The following CYB5D2 variants were observed in gnomAD, a reference collection of about 807,000 sequenced individuals.
CYB5D2 encodes neuferricin.
Under a neutral mutation model 22.8 loss-of-function variants are expected in CYB5D2, and 23 were observed. That is an observed-to-expected ratio of 1.01 (90% CI 0.73 to 1.43). CYB5D2 has a LOEUF of 1.43. Ranked by LOEUF, CYB5D2 falls within the 40% of genes most tolerant of loss-of-function variation. CYB5D2 has a pLI of 0.00. For missense variants in CYB5D2, 373 were observed against 357.2 expected (o/e 1.04, Z -0.36); for synonymous variants, 170 against 152.2 (o/e 1.12, Z -0.86).
intron 1 of CYB5D2, among the ~76,000 whole-genome samples, chr17:4,144,856 G>A (rs1316573028): frequency 6.6e-6 from 1 of 151,816 alleles, no homozygotes; most frequent in Admixed American, 6.6e-5. Flanking sequence ...GCCTGATCTC[G>A]GCTCACTGCA....
At chr17:4,151,642 G>A (rs1436554262) in intron 2 of CYB5D2, among the ~76,000 whole-genome samples, 4 of 151,152 alleles carry the variant, frequency 2.6e-5, no homozygotes, top group Non-Finnish European at 5.9e-5. Context: ...AGCCAAGATC[G>A]CACCACTACA....
In CYB5D2 at chr17:4,144,002, G is replaced by A. The variant is rs1278766802; in HGVS notation, c.247G>A (p.Ala83Thr). The change falls in exon 1 of 4, where the codon GCA (alanine) becomes ACA (threonine). Residue 83 changes from alanine (A) to threonine (T), a missense_variant. Ala to Thr is a moderately conservative substitution (Grantham distance 58). Transcript: ENST00000301391. ...YEPGSHYSGF[A>T]GRDASRAFVT... ...GCCTGGGTCCCACTATAGCGGCTTC[G>A]CAGGTATCAGCGAGGCTGCTCACGC... 1.9e-6 allele frequency: 3 copies of A among 1,597,978 alleles called. No homozygotes were observed. Among genetic ancestry groups the A allele is most frequent in the Non-Finnish European group, 2.6e-6 (3 of 1,172,038 alleles).
In CYB5D2 at chr17:4,154,667, A is replaced by G. The variant is rs375388238; in HGVS notation, c.392-7A>G. On this transcript the variant is annotated splice_region_variant and splice_polypyrimidine_tract_variant and intron_variant, in intron 2 of 3. Coordinates refer to ENST00000301391, the MANE Select transcript of CYB5D2 (RefSeq NM_144611.4). Reference sequence around the variant, plus strand: ...TCTCACTCACATCTGCCTTCCTGTCATCACAGGGAGGGTGACAGGACGGTT... The same window carrying G: ...TCTCACTCACATCTGCCTTCCTGTCGTCACAGGGAGGGTGACAGGACGGTT... The G allele has an allele frequency of 2.5e-6, 4 of 1,612,152 alleles. No homozygotes were observed. The highest frequency in any genetic ancestry group is 3.4e-6 in the Non-Finnish European group (4 of 1,179,056).
chr17:4,151,389 T>C lies in CYB5D2; in HGVS notation c.391+1358T>C, dbSNP rs546966548. ...GGTTAATAAAGAAAAGAAAACCCAA[T>C]AGAAAAGAATAAGAGCCAGGAGTGG... On this transcript the variant is annotated intron_variant, in intron 2 of 3. Transcript: ENST00000301391. 3.9e-5 allele frequency among the ~76,000 whole-genome samples: 6 copies of C among 152,138 alleles called. No homozygotes were observed. In the East Asian group the frequency reaches 9.7e-4, roughly 24 times the overall value.
intron 3 of CYB5D2, among the ~76,000 whole-genome samples, chr17:4,155,084 C>G (rs771544734): frequency 5.3e-5 from 8 of 152,180 alleles, no homozygotes; most frequent in Non-Finnish European, 7.4e-5. Flanking sequence ...TGGGTTGAGA[C>G]TTGGACTTGA....
At chr17:4,155,818 A>G (rs1486744436) in intron 3 of CYB5D2, among the ~76,000 whole-genome samples, 2 of 152,168 alleles carry the variant, frequency 1.3e-5, no homozygotes, top group Non-Finnish European at 2.9e-5. Flanking sequence ...GTGTCTCCTG[A>G]ACCTCTTCTT....
At chr17:4,149,659 C>A (rs921543897) in intron 1 of CYB5D2, among the ~76,000 whole-genome samples, 4 of 152,082 alleles carry the variant, frequency 2.6e-5, no homozygotes, top group Non-Finnish European at 5.9e-5. Flanking sequence ...ATTAGCCAGG[C>A]GTGGTGGCGG....
In CYB5D2 at chr17:4,144,521, T is replaced by C. The variant is rs1386711825; in HGVS notation, c.250+516T>C. On this transcript the variant is annotated intron_variant, in intron 1 of 3. Transcript: ENST00000301391. Reference sequence around the variant, plus strand: ...TATTCCTTTATGGCCCGTCATATAGTACATTTGGTCTGAGTCATTCCTGCT... The same window carrying C: ...TATTCCTTTATGGCCCGTCATATAGCACATTTGGTCTGAGTCATTCCTGCT... Among the ~76,000 whole-genome samples, 4 of 152,188 alleles carry C rather than the reference T, an allele frequency of 2.6e-5. No homozygotes were observed. In the East Asian group the frequency reaches 7.7e-4, roughly 29 times the overall value.
chr17:4,157,032 G>T lies in CYB5D2; in HGVS notation c.745G>T (p.Glu249Ter). The change falls in exon 4 of 4, where the codon GAG becomes TAG. Residue 249 changes from glutamate (E) to a stop codon, truncating the protein, a stop_gained. Transcript: ENST00000301391. LOFTEE classifies it high-confidence loss of function. This position sits in a 1 kb window ranked among gnomAD's most constrained non-coding sequence, Gnocchi z 4.4. ...RGDLDHPNLA[E>*]YTGCPPLAIT... is the part of the protein sequence containing the mutation. ...GGACCTGGACCACCCAAACTTGGCA[G>T]AGTACACAGGCTGCCCACCGCTAGC... 1.9e-6 allele frequency: 3 copies of T among 1,612,588 alleles called. No individual in the cohort carries two copies. Among genetic ancestry groups the T allele is most frequent in the Non-Finnish European group, 2.5e-6 (3 of 1,179,992 alleles).
At chr17:4,147,883 C>T (rs1490385898) in intron 1 of CYB5D2, among the ~76,000 whole-genome samples, 1 of 152,112 alleles carries the variant, frequency 6.6e-6, no homozygotes, top group Non-Finnish European at 1.5e-5. Flanking sequence ...TTTGGCAAGG[C>T]AGCGTTGGTG....
chr17:4,155,193 C>CTTTG (rs2059101223), intron 3 of CYB5D2, among the ~76,000 whole-genome samples: 1 of 152,224 alleles, frequency 6.6e-6, no homozygotes, highest in South Asian at 2.1e-4. Flanking sequence ...TTCTTGCTTT[C>CTTTG]TTTGGCCTGC....
chr17:4,144,206 T>C (rs2058948223), intron 1 of CYB5D2, among the ~76,000 whole-genome samples: 1 of 152,148 alleles, frequency 6.6e-6, no homozygotes, highest in Non-Finnish European at 1.5e-5. Flanking sequence ...GCCAGCTCTG[T>C]CATCCACCAC....
rs1351916487 is a variant in CYB5D2, at chr17:4,143,636, A to AGC, written c.-114_-113dup. The AGC allele has an allele frequency of 5.1e-6, 6 of 1,175,230 alleles. No homozygotes were observed. The highest frequency in any genetic ancestry group is 2.4e-5 in the Admixed American group (1 of 41,762). The allele number at this position is 1,175,230 out of a possible 1,614,324, so 72.8% of individuals were successfully genotyped here. ...GACTAAGGGAGGGAGCGCGAGCACT[A>AGC]GCGCGCGAGAGAGAGAGCGAGAGCG... On this transcript the variant is annotated 5_prime_UTR_variant, in exon 1 of 4. Transcript: ENST00000301391.
chr17:4,148,633 G>A (rs1157149161), intron 1 of CYB5D2, among the ~76,000 whole-genome samples: 1 of 151,778 alleles, frequency 6.6e-6, no homozygotes, highest in Non-Finnish European at 1.5e-5. Context: ...GAGGTCAGGA[G>A]TTCCACACCA....
At chr17:4,146,455 A>G (rs1025055921) in intron 1 of CYB5D2, among the ~76,000 whole-genome samples, 4 of 151,818 alleles carry the variant, frequency 2.6e-5, no homozygotes, top group South Asian at 2.1e-4. Flanking sequence ...CAGTGGCGCA[A>G]TCTTGGCTCA....
At chr17:4,148,995 C>T (rs2059024229) in intron 1 of CYB5D2, among the ~76,000 whole-genome samples, 3 of 151,022 alleles carry the variant, frequency 2.0e-5, no homozygotes, top group South Asian at 2.1e-4. Context: ...CCCTGTCACG[C>T]AGGCTGGAGT....
chr17:4,149,834 A>T, intron 1 of CYB5D2, 57 bp from the exon 2 acceptor site: 1 of 1,556,858 alleles, frequency 6.4e-7, no homozygotes, highest in Non-Finnish European at 8.7e-7. Context: ...CAGATTCTTG[A>T]GTGGGGATGG....
At chr17:4,153,969 G>A (rs980218118) in intron 2 of CYB5D2, among the ~76,000 whole-genome samples, 2 of 152,250 alleles carry the variant, frequency 1.3e-5, no homozygotes, top group South Asian at 2.1e-4. Flanking sequence ...CCTCCCTCAA[G>A]TGCTTCCTTT....
At position 4,143,987 on chromosome 17, in the gene CYB5D2, C is replaced by T. The variant is rs1226166897; in HGVS notation, c.232C>T (p.His78Tyr). 1 of 1,607,822 alleles carries T rather than the reference C, an allele frequency of 6.2e-7. No homozygotes were observed. Among genetic ancestry groups the T allele is most frequent in the Admixed American group, 1.7e-5 (1 of 59,468 alleles). ...CCGGAGGCACTACGAGCCTGGGTCC[C>T]ACTATAGCGGCTTCGCAGGTATCAG... ...SGRRHYEPGS[H>Y]YSGFAGRDAS... The change falls in exon 1 of 4, where the codon CAC becomes TAC. Residue 78 changes from histidine to tyrosine, a missense_variant. Transcript: ENST00000301391.
Sources: allele counts gnomAD v4.1 joint callset (sites outside exome capture counted in the v4.1 genomes callset), GRCh38; gene constraint gnomAD v4.1.1; non-coding constraint Gnocchi (gnomAD v3.1); transcripts MANE v1.5; gene names NCBI Gene and HGNC (gene_info 2026-07-23, HGNC 2026-07-21).